CNTN5: variants seen among roughly 807,000 people sequenced by gnomAD.
CNTN5 encodes the protein contactin-5.
Under a neutral mutation model 129.1 loss-of-function variants are expected in CNTN5, and 77 were observed. The observed-to-expected ratio is 0.60, with a 90% CI of 0.50 to 0.72. CNTN5 has a LOEUF of 0.72. CNTN5 is among the 30% of genes least tolerant of loss of function. CNTN5 has a pLI of 0.00. For synonymous variants in CNTN5, 509 were observed against 465.6 expected, an observed-to-expected ratio of 1.09 and a Z score of -1.20; for missense variants, 1,478 against 1,328.8, an observed-to-expected ratio of 1.11 and a Z score of -1.75.
chr11:99,050,549 A>G (rs962965347), intron 1 of CNTN5, among the ~76,000 whole-genome samples: 1 of 151,832 alleles, frequency 6.6e-6, no homozygotes, highest in Non-Finnish European at 1.5e-5. Context: ...ATTTCTTTTT[A>G]AATTGAAAGA....
intron 2 of CNTN5, among the ~76,000 whole-genome samples, chr11:99,440,175 C>T (rs1943770204): frequency 6.6e-6 from 1 of 152,026 alleles, no homozygotes; most frequent in Admixed American, 6.5e-5. Flanking sequence ...AGTGATTTAT[C>T]TTAGTCAGTA....
chr11:100,054,428 C>G (rs1444284169), intron 9 of CNTN5, among the ~76,000 whole-genome samples: 1 of 151,798 alleles, frequency 6.6e-6, no homozygotes, highest in Non-Finnish European at 1.5e-5. Context: ...TTTTCCTGAG[C>G]TCATGTCTTT....
rs1164296393 is a variant in CNTN5, at chr11:99,845,225, G to T, written c.540G>T (p.Gly180=). 2 of 1,613,324 alleles carry T rather than the reference G, an allele frequency of 1.2e-6. No individual in the cohort carries two copies. ...HYQCLATNTV[G]SILSREATLQ... is the part of the protein sequence containing the mutation. ...AGTGTTTAGCAACCAACACTGTGGGGAGTATTCTTAGTAGAGAAGCTACAC... is the reference window on the plus strand; with the variant it reads ...AGTGTTTAGCAACCAACACTGTGGGTAGTATTCTTAGTAGAGAAGCTACAC... Residue 180 remains glycine (G), a synonymous_variant, in exon 6 of 25, where the codon GGG becomes GGT. Coordinates refer to ENST00000524871, the MANE Select transcript of CNTN5 (RefSeq NM_014361.4).
intron 3 of CNTN5, among the ~76,000 whole-genome samples, chr11:99,747,771 C>T (rs973460052): frequency 4.6e-5 from 7 of 152,118 alleles, no homozygotes; most frequent in East Asian, 3.9e-4. Context: ...GGCACCCGGC[C>T]GGCCAGCATT....
At chr11:99,614,154 C>T (rs1169599039) in intron 3 of CNTN5, among the ~76,000 whole-genome samples, 1 of 152,152 alleles carries the variant, frequency 6.6e-6, no homozygotes, top group Non-Finnish European at 1.5e-5. Flanking sequence ...CCAAATGTAG[C>T]AACAAGCTGT....
At chr11:99,843,239 A>T (rs1318168183) in intron 4 of CNTN5, among the ~76,000 whole-genome samples, 2 of 152,076 alleles carry the variant, frequency 1.3e-5, no homozygotes, top group Non-Finnish European at 2.9e-5. Flanking sequence ...CAAACAAAAA[A>T]CTTGCATCTA....
chr11:99,023,612 G>C (rs546370455), intron 1 of CNTN5, among the ~76,000 whole-genome samples: 1 of 152,258 alleles, frequency 6.6e-6, no homozygotes, highest in African/African-American at 2.4e-5. Flanking sequence ...GAGTTTGATT[G>C]GCTAAAACAA....
At chr11:99,413,038 A>C (rs1942471493) in intron 2 of CNTN5, among the ~76,000 whole-genome samples, 1 of 152,214 alleles carries the variant, frequency 6.6e-6, no homozygotes, top group Non-Finnish European at 1.5e-5. Context: ...GACACAGCTT[A>C]TCTCTTTGCA....
At chr11:100,337,172 G>A in intron 21 of CNTN5, 1 of 1,470,722 alleles carries the variant, frequency 6.8e-7, no homozygotes, top group Non-Finnish European at 9.5e-7. Flanking sequence ...GTTCACCAGT[G>A]GGTTGACACA....
At chr11:100,133,541 G>A (rs1046124184) in intron 13 of CNTN5, among the ~76,000 whole-genome samples, 1 of 152,040 alleles carries the variant, frequency 6.6e-6, no homozygotes, top group Non-Finnish European at 1.5e-5. Flanking sequence ...TTATAGTTTT[G>A]CATTGGGAAT....
chr11:100,037,766 A>G (rs1288113009), intron 9 of CNTN5, among the ~76,000 whole-genome samples: 1 of 152,156 alleles, frequency 6.6e-6, no homozygotes, highest in East Asian at 1.9e-4. Flanking sequence ...AGAGGTGTTT[A>G]TAGTATTCTC....
chr11:99,947,700 GT>G (rs1950583098), intron 7 of CNTN5, among the ~76,000 whole-genome samples: 1 of 152,118 alleles, frequency 6.6e-6, no homozygotes, highest in South Asian at 2.1e-4. Context: ...AATTTAGGCA[GT>G]TCACAACTCT....
At chr11:99,286,938 C>G (rs1418374901) in intron 1 of CNTN5, among the ~76,000 whole-genome samples, 2 of 152,032 alleles carry the variant, frequency 1.3e-5, no homozygotes, top group Non-Finnish European at 2.9e-5. Context: ...TTTCTAAAAC[C>G]TGTACTAAGG....
chr11:99,542,554 G>A (rs528706594), intron 2 of CNTN5, among the ~76,000 whole-genome samples: 220 of 152,114 alleles, frequency 1.4e-3, no homozygotes, highest in African/African-American at 5.1e-3. Context: ...TTACTTTTGC[G>A]CCAACTTAAC....
intron 1 of CNTN5, among the ~76,000 whole-genome samples, chr11:99,232,565 A>C (rs2135733010): frequency 6.6e-6 from 1 of 152,196 alleles, no homozygotes; most frequent in South Asian, 2.1e-4. Context: ...AGTTGAATGG[A>C]GTTTTCTAGA....
intron 13 of CNTN5, among the ~76,000 whole-genome samples, chr11:100,083,918 A>C (rs975934051): frequency 2.0e-5 from 3 of 151,852 alleles, no homozygotes; most frequent in African/African-American, 7.3e-5. Context: ...CTTTTTTCTT[A>C]ATTGTTGAAT....
intron 1 of CNTN5, among the ~76,000 whole-genome samples, chr11:99,294,227 T>C (rs1474545614): frequency 6.6e-6 from 1 of 152,168 alleles, no homozygotes; most frequent in Non-Finnish European, 1.5e-5. Flanking sequence ...GTTTCTCTTG[T>C]TTGTGCCCTT....
intron 3 of CNTN5, among the ~76,000 whole-genome samples, chr11:99,628,333 C>G (rs569204402): frequency 1.3e-5 from 2 of 151,982 alleles, no homozygotes; most frequent in Non-Finnish European, 2.9e-5. Context: ...GGAAAGACAA[C>G]TCTAGATTGA....
intron 2 of CNTN5, among the ~76,000 whole-genome samples, chr11:99,540,795 G>A (rs539556480): frequency 6.6e-5 from 10 of 152,268 alleles, no homozygotes; most frequent in African/African-American, 2.4e-4. Flanking sequence ...GTATATGATA[G>A]ATGTACAGGT....
Sources: gnomAD v4.1 joint callset for allele counts (sites outside exome capture counted in the v4.1 genomes callset) on GRCh38, gnomAD v4.1.1 for gene constraint, MANE v1.5 for transcripts, NCBI Gene and HGNC (gene_info 2026-07-23, HGNC 2026-07-21) for gene names.